Variants in KCNH8 observed in about 807,000 individuals in gnomAD.
KCNH8 encodes the protein potassium voltage-gated channel subfamily H member 8, also known as voltage-gated delayed rectifier potassium channel KCNH8.
Under a neutral mutation model 103.6 loss-of-function variants are expected in KCNH8, and 70 were observed. The ratio of observed to expected loss-of-function variants is 0.68; its 90% CI spans 0.56 to 0.82. KCNH8 has a LOEUF of 0.82. Ranked by LOEUF, KCNH8 falls within the 40% of genes least tolerant of loss-of-function variation. KCNH8 has a pLI of 0.00. For synonymous variants in KCNH8, 498 were observed against 489.4 expected (o/e 1.02, Z -0.23); for missense variants, 1,217 against 1,329.9 (o/e 0.92, Z 1.32).
At chr3:19,512,900 C>T in intron 12 of KCNH8, 70 bp from the exon 13 acceptor site, 1 of 1,352,596 alleles carries the variant, frequency 7.4e-7, no homozygotes, top group Non-Finnish European at 1.0e-6. Flanking sequence ...AATGAGACCT[C>T]CAGCATTAAT....
chr3:19,191,631 C>T (rs150496440), intron 1 of KCNH8, among the ~76,000 whole-genome samples: 30 of 151,708 alleles, frequency 2.0e-4, no homozygotes, highest in Admixed American at 1.5e-3. Flanking sequence ...TGCATGTTAG[C>T]CTTTCAATAT....
chr3:19,197,168 A>C (rs1445289169), intron 1 of KCNH8, among the ~76,000 whole-genome samples: 1 of 151,952 alleles, frequency 6.6e-6, no homozygotes, highest in African/African-American at 2.4e-5. Context: ...CCTTCCCCTC[A>C]GTGACTTCCA....
intron 7 of KCNH8, among the ~76,000 whole-genome samples, chr3:19,434,193 G>C (rs1183534397): frequency 6.6e-6 from 1 of 151,962 alleles, no homozygotes; most frequent in Non-Finnish European, 1.5e-5. Flanking sequence ...TATAGTCATG[G>C]GCACTAGATT....
At chr3:19,531,780 G>A (rs554015502) in intron 15 of KCNH8, among the ~76,000 whole-genome samples, 4 of 152,270 alleles carry the variant, frequency 2.6e-5, no homozygotes, top group Admixed American at 2.0e-4. Context: ...AAGAATGTCT[G>A]CCCAAAACAG....
chr3:19,346,618 T>C (rs891152546), intron 4 of KCNH8: 34 of 456,178 alleles, frequency 7.5e-5, no homozygotes, highest in African/African-American at 6.8e-4. Context: ...AGCTAAATGT[T>C]CCTGATCTTT....
At chr3:19,351,852 C>T (rs1430213844) in intron 5 of KCNH8, among the ~76,000 whole-genome samples, 2 of 152,130 alleles carry the variant, frequency 1.3e-5, no homozygotes, top group East Asian at 1.9e-4. Flanking sequence ...AACCAGCTGA[C>T]ATCATAATGA....
intron 6 of KCNH8, among the ~76,000 whole-genome samples, chr3:19,393,666 T>A (rs2066471581): frequency 6.6e-6 from 1 of 152,078 alleles, no homozygotes; most frequent in African/African-American, 2.4e-5. Flanking sequence ...CATCTGACCA[T>A]CTAGCTAACC....
intron 3 of KCNH8, among the ~76,000 whole-genome samples, chr3:19,304,287 T>G (rs1044490292): frequency 3.7e-4 from 57 of 152,184 alleles, no homozygotes; most frequent in African/African-American, 1.4e-3. Flanking sequence ...GCTCAGACTT[T>G]CTATTCAGAT....
At chr3:19,272,767 C>G (rs530894223) in intron 2 of KCNH8, among the ~76,000 whole-genome samples, 11 of 152,162 alleles carry the variant, frequency 7.2e-5, no homozygotes, top group African/African-American at 2.4e-4. Context: ...CCCACACTTT[C>G]CTACATTTCT....
intron 11 of KCNH8, among the ~76,000 whole-genome samples, chr3:19,498,840 G>A (rs956343517): frequency 3.3e-5 from 5 of 151,940 alleles, no homozygotes; most frequent in African/African-American, 4.8e-5. Flanking sequence ...GTACCCGGCC[G>A]TATGAGGTGT....
chr3:19,229,011 AT>A (rs1415508561), intron 1 of KCNH8, among the ~76,000 whole-genome samples: 2 of 152,210 alleles, frequency 1.3e-5, no homozygotes, highest in African/African-American at 2.4e-5. Flanking sequence ...GACATTTATA[AT>A]TTCAAGTTGT....
At chr3:19,389,739 C>T (rs2066407934) in intron 5 of KCNH8, among the ~76,000 whole-genome samples, 1 of 151,982 alleles carries the variant, frequency 6.6e-6, no homozygotes, top group African/African-American at 2.4e-5. Flanking sequence ...GTGATTCTTC[C>T]ACCTCAGTCT....
chr3:19,306,049 G>A (rs1400536368), intron 3 of KCNH8, among the ~76,000 whole-genome samples: 1 of 152,116 alleles, frequency 6.6e-6, no homozygotes, highest in Non-Finnish European at 1.5e-5. Context: ...TGTTTCTGGT[G>A]TGAAAGAAAT....
intron 7 of KCNH8, among the ~76,000 whole-genome samples, chr3:19,399,601 A>C (rs2125137586): frequency 6.6e-6 from 1 of 151,990 alleles, no homozygotes; most frequent in East Asian, 2.0e-4. Context: ...TGAGTGTGGC[A>C]ATACTGACTC....
chr3:19,243,842 T>A (rs1210754903), intron 1 of KCNH8, among the ~76,000 whole-genome samples: 5 of 152,274 alleles, frequency 3.3e-5, no homozygotes, highest in African/African-American at 1.2e-4. Context: ...TAAATATAAT[T>A]GCAAGTAAAG....
intron 11 of KCNH8, among the ~76,000 whole-genome samples, chr3:19,487,336 G>A (rs1318618831): frequency 6.6e-6 from 1 of 152,196 alleles, no homozygotes; most frequent in African/African-American, 2.4e-5. Flanking sequence ...GAACTGTTGG[G>A]TGCAGAGTCA....
At chr3:19,507,924 G>A (rs1347371451) in intron 11 of KCNH8, among the ~76,000 whole-genome samples, 1 of 152,144 alleles carries the variant, frequency 6.6e-6, no homozygotes, top group South Asian at 2.1e-4. Flanking sequence ...TACTATTTTC[G>A]GGTATATTCC....
chr3:19,328,241 C>T (rs2065458325), intron 3 of KCNH8, among the ~76,000 whole-genome samples: 1 of 152,148 alleles, frequency 6.6e-6, no homozygotes, highest in Admixed American at 6.6e-5. Context: ...TACTACTAAG[C>T]CTTGGCTCAT....
At chr3:19,248,170 G>C (rs902320095) in intron 1 of KCNH8, among the ~76,000 whole-genome samples, 1 of 152,134 alleles carries the variant, frequency 6.6e-6, no homozygotes, top group African/African-American at 2.4e-5. Context: ...ATCAGGCTTA[G>C]GGATATGCTT....
Sources: gnomAD v4.1 joint callset for allele counts (sites outside exome capture counted in the v4.1 genomes callset) on GRCh38, gnomAD v4.1.1 for gene constraint, MANE v1.5 for transcripts, NCBI Gene and HGNC (gene_info 2026-07-23, HGNC 2026-07-21) for gene names.